Variants in PLPPR1 observed in about 807,000 individuals in gnomAD.
PLPPR1 encodes the protein phospholipid phosphatase related 1.
PLPPR1 carries 10 observed loss-of-function variants against 33.1 expected under a neutral mutation model. That is an observed-to-expected ratio of 0.30 (90% CI 0.19 to 0.51). The LOEUF (loss-of-function observed/expected upper bound fraction) is 0.51, where lower values mean the gene tolerates loss of function less well. PLPPR1 is among the 20% of genes least tolerant of loss of function. PLPPR1 has a pLI of 0.97. For synonymous variants in PLPPR1, 151 were observed against 151.0 expected (o/e 1.00, Z 0.00); for missense variants, 304 against 408.1 (o/e 0.74, Z 2.20).
chr9:101,035,037 T>C (rs1334701280), intron 1 of PLPPR1, among the ~76,000 whole-genome samples: 1 of 152,164 alleles, frequency 6.6e-6, no homozygotes, highest in Non-Finnish European at 1.5e-5. Context: ...TTTAGCCTAG[T>C]CTTTGCACCT....
chr9:101,237,642 TAC>T (rs144819109), intron 2 of PLPPR1, among the ~76,000 whole-genome samples: 35,446 of 139,718 alleles, frequency 0.25, 4,959 homozygotes, highest in Admixed American at 0.32. Flanking sequence ...TATATATATA[TAC>T]ACACACACAC....
intron 6 of PLPPR1, among the ~76,000 whole-genome samples, chr9:101,316,435 T>C (rs371773687): frequency 6.7e-6 from 1 of 149,874 alleles, no homozygotes; most frequent in Non-Finnish European, 1.5e-5. Context: ...AGACTCTGTC[T>C]CAAAAAAAAA....
At chr9:101,306,767 C>T (rs1233800521) in intron 4 of PLPPR1, among the ~76,000 whole-genome samples, 1 of 152,092 alleles carries the variant, frequency 6.6e-6, no homozygotes, top group Non-Finnish European at 1.5e-5. Flanking sequence ...AGACTCCAAG[C>T]CAAGATACAG....
At chr9:101,256,684 T>C (rs1827809029) in intron 2 of PLPPR1, among the ~76,000 whole-genome samples, 1 of 152,172 alleles carries the variant, frequency 6.6e-6, no homozygotes, top group Non-Finnish European at 1.5e-5. Context: ...GTGAATAGTG[T>C]AGCAAAGAAC....
At chr9:101,185,582 G>A in intron 2 of PLPPR1, 25 bp downstream of exon 2, 2 of 1,444,574 alleles carry the variant, frequency 1.4e-6, no homozygotes, top group Non-Finnish European at 1.9e-6. Context: ...TAACCTTTAT[G>A]GACAAATTGA....
At chr9:101,187,393 A>T (rs114259573) in intron 2 of PLPPR1, 1 of 151,894 alleles carries the variant, frequency 6.6e-6, no homozygotes, top group Non-Finnish European at 1.5e-5. Flanking sequence ...AAGGAGATAA[A>T]TTAGTTCTTC....
chr9:101,121,715 C>G (rs1373660897), intron 1 of PLPPR1, among the ~76,000 whole-genome samples: 1 of 152,120 alleles, frequency 6.6e-6, no homozygotes, highest in Non-Finnish European at 1.5e-5. Context: ...AATAAGTGAT[C>G]ATCTTAGATT....
chr9:101,257,476 T>G (rs12237444), intron 2 of PLPPR1, among the ~76,000 whole-genome samples: 12,535 of 152,156 alleles, frequency 0.082, 590 homozygotes, highest in South Asian at 0.22. Context: ...GGGCCTCACA[T>G]CTTGGTTTAG....
intron 1 of PLPPR1, among the ~76,000 whole-genome samples, chr9:101,109,392 A>G (rs998577381): frequency 2.6e-5 from 4 of 152,050 alleles, no homozygotes; most frequent in Admixed American, 1.3e-4. Context: ...AGATTTCCCC[A>G]AGGGCGTAGT....
chr9:101,244,316 T>C (rs986017355), intron 2 of PLPPR1, among the ~76,000 whole-genome samples: 2 of 152,072 alleles, frequency 1.3e-5, no homozygotes, highest in Non-Finnish European at 2.9e-5. Context: ...TTTTTTGTTT[T>C]GTTTTAAATG....
At chr9:101,227,119 G>A (rs1167518543) in intron 2 of PLPPR1, among the ~76,000 whole-genome samples, 2 of 152,134 alleles carry the variant, frequency 1.3e-5, no homozygotes, top group African/African-American at 4.8e-5. Context: ...GGGCTGCAGA[G>A]CTAACCAGTA....
chr9:101,083,682 T>C (rs1273524188), intron 1 of PLPPR1, among the ~76,000 whole-genome samples: 2 of 152,286 alleles, frequency 1.3e-5, no homozygotes, highest in Middle Eastern at 6.8e-3. Flanking sequence ...CCATGCAGCA[T>C]CCTCAGTGTA....
intron 2 of PLPPR1, among the ~76,000 whole-genome samples, chr9:101,251,718 A>C (rs192101696): frequency 6.6e-6 from 1 of 152,026 alleles, no homozygotes; most frequent in East Asian, 1.9e-4. Flanking sequence ...TCTCATGTTC[A>C]TCAAGACTTT....
At chr9:101,090,295 G>A (rs915404489) in intron 1 of PLPPR1, among the ~76,000 whole-genome samples, 1 of 151,982 alleles carries the variant, frequency 6.6e-6, no homozygotes, top group Non-Finnish European at 1.5e-5. Flanking sequence ...ATCTTTTTGG[G>A]GGGACATAAT....
intron 2 of PLPPR1, among the ~76,000 whole-genome samples, chr9:101,190,468 G>A (rs1024291186): frequency 1.3e-5 from 2 of 152,118 alleles, no homozygotes; most frequent in Admixed American, 6.6e-5. Context: ...CAGATCCAGG[G>A]TGGTAATGAG....
chr9:101,312,599 T>C (rs1828978886), intron 5 of PLPPR1, among the ~76,000 whole-genome samples, 199 bp from the exon 6 acceptor site: 1 of 152,218 alleles, frequency 6.6e-6, no homozygotes, highest in Non-Finnish European at 1.5e-5. Context: ...CATCTGTTCA[T>C]TGTTCTTGCT....
chr9:101,106,479 CA>C (rs1362962329), intron 1 of PLPPR1, among the ~76,000 whole-genome samples: 6 of 116,942 alleles, frequency 5.1e-5, no homozygotes, highest in Admixed American at 3.4e-4. Flanking sequence ...TATTGGCCCC[CA>C]CTCTCTTCTG....
intron 1 of PLPPR1, among the ~76,000 whole-genome samples, chr9:101,063,270 T>A (rs1177434699): frequency 6.6e-6 from 1 of 152,042 alleles, no homozygotes. Context: ...GAAGAAATGA[T>A]GGGGGCTGCC....
chr9:101,280,679 T>C (rs1420784055), intron 3 of PLPPR1, among the ~76,000 whole-genome samples: 2 of 152,112 alleles, frequency 1.3e-5, no homozygotes, highest in African/African-American at 4.8e-5. Flanking sequence ...AAAATTATCA[T>C]TTCCATTAAT....
Sources: allele counts gnomAD v4.1 joint callset (sites outside exome capture counted in the v4.1 genomes callset), GRCh38; gene constraint gnomAD v4.1.1; transcripts MANE v1.5; gene names NCBI Gene and HGNC (gene_info 2026-07-23, HGNC 2026-07-21).